Variants in LDLRAD4 observed in about 807,000 individuals in gnomAD.
The protein encoded by LDLRAD4 is low density lipoprotein receptor class A domain containing 4, also known as low-density lipoprotein receptor class A domain-containing protein 4.
LDLRAD4 carries 5 observed loss-of-function variants against 17.0 expected under a neutral mutation model. The ratio of observed to expected loss-of-function variants is 0.29; its 90% CI spans 0.15 to 0.62. The LOEUF is 0.62. LDLRAD4 is among the 20% of genes least tolerant of loss of function. The pLI, the probability that LDLRAD4 is intolerant of heterozygous loss-of-function variation, is 0.84. For missense variants in LDLRAD4, 340 were observed against 424.7 expected (o/e 0.80, Z 1.75); for synonymous variants, 168 against 171.8 (o/e 0.98, Z 0.17).
intron 2 of LDLRAD4, among the ~76,000 whole-genome samples, chr18:13,414,649 A>G (rs757117305): frequency 2.0e-5 from 3 of 152,262 alleles, no homozygotes; most frequent in Non-Finnish European, 4.4e-5. Flanking sequence ...AGGACTCATT[A>G]TCTCCTCAGG....
intron 2 of LDLRAD4, among the ~76,000 whole-genome samples, chr18:13,413,838 A>G: frequency 6.6e-6 from 1 of 152,154 alleles, no homozygotes; most frequent in East Asian, 1.9e-4. Context: ...AAGCTGAGGC[A>G]GAGGAGTGCT....
rs117187941 is a variant in LDLRAD4, at chr18:13,632,081, G to T, written c.336+10810G>T. On this transcript the variant is annotated intron_variant, in intron 4 of 5. Coordinates refer to ENST00000359446, the Ensembl canonical transcript of LDLRAD4. ...CACTACATTAACAGAATGAAGTTGG[G>T]GGTCCCAAACTTCATTCAGCAGGTC... 9.2e-5 allele frequency among the ~76,000 whole-genome samples: 14 copies of T among 152,324 alleles called. No homozygotes were observed. In the East Asian group the frequency reaches 2.7e-3, roughly 29 times the overall value.
chr18:13,443,558 C>T (rs78755569), intron 3 of LDLRAD4, among the ~76,000 whole-genome samples: 1,546 of 152,244 alleles, frequency 0.01, 23 homozygotes, highest in African/African-American at 0.022. Flanking sequence ...ACATGTGTTT[C>T]GGTTTGTTCT....
intron 3 of LDLRAD4, among the ~76,000 whole-genome samples, chr18:13,514,086 C>G (rs1451014384): frequency 1.3e-5 from 2 of 152,154 alleles, no homozygotes; most frequent in African/African-American, 4.8e-5. Flanking sequence ...TTCATGTGTA[C>G]TTTGTCGTAT....
chr18:13,304,695 G>A (rs1035486023), intron 1 of LDLRAD4, among the ~76,000 whole-genome samples: 2 of 152,214 alleles, frequency 1.3e-5, no homozygotes, highest in Admixed American at 1.3e-4. Context: ...TGGGCAATGG[G>A]CCCCATTTGT....
chr18:13,338,180 T>G lies in LDLRAD4; in HGVS notation c.-382-49161T>G, dbSNP rs143117939. On this transcript the variant is annotated intron_variant, in intron 1 of 5. Coordinates refer to ENST00000359446, the Ensembl canonical transcript of LDLRAD4. ...CTCATCTGCTGCCTTGCTCACAACT[T>G]CTCTGAATGCAACTCGTGCTTCATA... 4.6e-5 allele frequency among the ~76,000 whole-genome samples: 7 copies of G among 152,328 alleles called. No individual in the cohort carries two copies. In the East Asian group the frequency reaches 1.4e-3, roughly 29 times the overall value.
At chr18:13,528,206 A>T (rs1345481403) in intron 3 of LDLRAD4, among the ~76,000 whole-genome samples, 2 of 152,204 alleles carry the variant, frequency 1.3e-5, no homozygotes, top group Non-Finnish European at 2.9e-5. Context: ...GGGAAAACAC[A>T]GTGACTCCTA....
At chr18:13,278,944 C>A (rs910634322) in intron 1 of LDLRAD4, among the ~76,000 whole-genome samples, 7 of 152,264 alleles carry the variant, frequency 4.6e-5, no homozygotes, top group African/African-American at 1.7e-4. Flanking sequence ...GCAGAGGAGG[C>A]ACCTGGAGAA....
At chr18:13,586,757 G>A (rs867169262) in intron 3 of LDLRAD4, among the ~76,000 whole-genome samples, 1 of 151,568 alleles carries the variant, frequency 6.6e-6, no homozygotes, top group African/African-American at 2.4e-5. Flanking sequence ...GCATGGTGGC[G>A]CACACCTGTA....
At chr18:13,401,523 G>A (rs1479563123) in intron 2 of LDLRAD4, among the ~76,000 whole-genome samples, 2 of 152,142 alleles carry the variant, frequency 1.3e-5, no homozygotes, top group Admixed American at 6.5e-5. Context: ...GGAGCAGGTT[G>A]GGGGTTGGGC....
chr18:13,489,271 C>T (rs1171131389), intron 3 of LDLRAD4: 2 of 151,850 alleles, frequency 1.3e-5, no homozygotes, highest in African/African-American at 4.8e-5. Flanking sequence ...TCTCCTGCCT[C>T]AGCCTCCCAA....
At chr18:13,565,414 A>G (rs562978712) in intron 3 of LDLRAD4, among the ~76,000 whole-genome samples, 127 of 152,320 alleles carry the variant, frequency 8.3e-4, no homozygotes, top group African/African-American at 2.8e-3. Context: ...CTGGCCTGCG[A>G]GCAGCCCGGG....
intron 3 of LDLRAD4, among the ~76,000 whole-genome samples, chr18:13,496,588 T>A (rs2093474909): frequency 6.6e-6 from 1 of 152,150 alleles, no homozygotes; most frequent in Non-Finnish European, 1.5e-5. Flanking sequence ...TGTTTCGAAT[T>A]AGGGAGACTC....
At chr18:13,353,610 C>A (rs560472907) in intron 1 of LDLRAD4, among the ~76,000 whole-genome samples, 1 of 152,242 alleles carries the variant, frequency 6.6e-6, no homozygotes, top group African/African-American at 2.4e-5. Context: ...GTGGTTTTTG[C>A]CTTCTGAGCT....
At position 13,367,631 on chromosome 18, in the gene LDLRAD4, C is replaced by T. The variant is rs1272079822; in HGVS notation, c.-382-19710C>T. Among the ~76,000 whole-genome samples, 2 of 152,294 alleles carry T rather than the reference C, an allele frequency of 1.3e-5. No individual in the cohort carries two copies. The highest frequency in any genetic ancestry group is 3.9e-4 in the East Asian group (2 of 5,168). On this transcript the variant is annotated intron_variant, in intron 1 of 5. Coordinates refer to ENST00000359446, the Ensembl canonical transcript of LDLRAD4. The surrounding 1 kb of genome is among the most constrained non-coding windows in gnomAD (Gnocchi z 4.1). ...GGCTGAGAGGGTGGGCAAGCAGCTG[C>T]AGGGCCAGGTAGCCCCATCTGCTGT...
At chr18:13,435,599 A>C (rs755140049) in intron 2 of LDLRAD4, among the ~76,000 whole-genome samples, 37 of 152,170 alleles carry the variant, frequency 2.4e-4, no homozygotes, top group Admixed American at 2.6e-4. Context: ...GGAGTGTGCC[A>C]CTGCACTTGG....
intron 1 of LDLRAD4, among the ~76,000 whole-genome samples, chr18:13,358,594 C>T (rs2083477619): frequency 6.6e-6 from 1 of 152,034 alleles, no homozygotes; most frequent in Admixed American, 6.6e-5. Flanking sequence ...TGTGATAAAT[C>T]AAATTTATCC....
At chr18:13,268,277 G>A (rs1457211053) in intron 1 of LDLRAD4, among the ~76,000 whole-genome samples, 2 of 152,022 alleles carry the variant, frequency 1.3e-5, no homozygotes, top group Non-Finnish European at 2.9e-5. Flanking sequence ...CTCCCCCCTC[G>A]GCTTGACTCT....
In LDLRAD4 at chr18:13,426,844, A is replaced by C. The variant is rs562111350; in HGVS notation, c.41-11400A>C. 2.6e-5 allele frequency among the ~76,000 whole-genome samples: 4 copies of C among 152,320 alleles called. No individual in the cohort carries two copies. In the East Asian group the frequency reaches 7.7e-4, roughly 29 times the overall value. ...GGGTTGGTTGAAGAATACAGGGAAC[A>C]TGGGTGTTTATGTAGCCCACGCCCT... On this transcript the variant is annotated intron_variant, in intron 2 of 5. Transcript: ENST00000359446.
Sources: allele counts gnomAD v4.1 joint callset (sites outside exome capture counted in the v4.1 genomes callset), GRCh38; gene constraint gnomAD v4.1.1; non-coding constraint Gnocchi (gnomAD v3.1); transcripts MANE v1.5; gene names NCBI Gene and HGNC (gene_info 2026-07-23, HGNC 2026-07-21).